PECAM1: variants seen among roughly 807,000 people sequenced by gnomAD.
PECAM1 encodes the protein platelet endothelial cell adhesion molecule.
PECAM1 carries 8 observed loss-of-function variants against 13.8 expected under a neutral mutation model. The observed-to-expected ratio is 0.58, with a 90% CI of 0.34 to 1.05. PECAM1 has a LOEUF of 1.05. Among genes scored for constraint, PECAM1 ranks in the 50% least tolerant of loss-of-function variants. The pLI, the probability that PECAM1 is intolerant of heterozygous loss-of-function variation, is 0.03. For synonymous variants in PECAM1, 136 were observed against 52.6 expected (o/e 2.58, Z -6.86); for missense variants, 304 against 141.2 (o/e 2.15, Z -5.84).
At chr17:64,375,950 G>A (rs1401085452) in intron 3 of PECAM1, among the ~76,000 whole-genome samples, 4 of 152,214 alleles carry the variant, frequency 2.6e-5, no homozygotes, top group Middle Eastern at 3.4e-3. Context: ...GGGAGGGAGC[G>A]AGGGATAAAA....
chr17:64,362,847 A>G (rs1017390755), intron 6 of PECAM1, among the ~76,000 whole-genome samples: 1 of 151,926 alleles, frequency 6.6e-6, no homozygotes, highest in Non-Finnish European at 1.5e-5. Flanking sequence ...CAAAAAAAAA[A>G]AAAAGAAAAG....
At chr17:64,363,892 C>T (rs1041635658) in intron 5 of PECAM1, among the ~76,000 whole-genome samples, 24 of 152,066 alleles carry the variant, frequency 1.6e-4, no homozygotes, top group Non-Finnish European at 2.6e-4. Flanking sequence ...TGCAGTGAGC[C>T]GAGATTGCTC....
intron 14 of PECAM1, among the ~76,000 whole-genome samples, chr17:64,335,255 T>C (rs1384291652): frequency 6.6e-6 from 1 of 151,972 alleles, no homozygotes; most frequent in East Asian, 1.9e-4. Context: ...CAGGCCACAG[T>C]AGAATATTAC....
intron 6 of PECAM1, among the ~76,000 whole-genome samples, chr17:64,361,353 C>A (rs1221995188): frequency 1.3e-5 from 2 of 151,918 alleles, no homozygotes; most frequent in African/African-American, 2.4e-5. Context: ...ACCATGTTGG[C>A]CAGGCTGGCC....
At chr17:64,333,557 C>A (rs894999829) in intron 14 of PECAM1, among the ~76,000 whole-genome samples, 2 of 151,988 alleles carry the variant, frequency 1.3e-5, no homozygotes, top group Non-Finnish European at 2.9e-5. Flanking sequence ...CTGTTCACCA[C>A]GCTATGACAA....
chr17:64,376,608 C>A (rs1463260071), intron 3 of PECAM1, among the ~76,000 whole-genome samples: 5 of 152,176 alleles, frequency 3.3e-5, no homozygotes, highest in African/African-American at 1.2e-4. Context: ...CAAACACCAT[C>A]TCTGTCTTTA....
intron 13 of PECAM1, among the ~76,000 whole-genome samples, chr17:64,347,865 G>A (rs2035618399): frequency 6.6e-6 from 1 of 151,060 alleles, no homozygotes; most frequent in African/African-American, 2.4e-5. Flanking sequence ...TGAGTAGCTG[G>A]GATTACAGGT....
chr17:64,341,746 A>T, intron 13 of PECAM1, 56 bp from the exon 14 acceptor site: 1 of 414,170 alleles, frequency 2.4e-6, no homozygotes, highest in Non-Finnish European at 4.4e-6. Context: ...AGGTCAGTCC[A>T]CTGCAGTCAT....
At position 64,329,681 on chromosome 17, in the gene PECAM1, A is replaced by G. The variant is rs782366846; in HGVS notation, c.2187+19T>C. On this transcript the variant is annotated intron_variant, in intron 15 of 15. Transcript: ENST00000563924. ...AGTGGAGTACTTTTAAATATAATGT[A>G]TATGAAATGTGTACTTACAGAGTAT... 7.9e-6 allele frequency: 6 copies of G among 757,524 alleles called. No individual in the cohort carries two copies. The highest frequency in any genetic ancestry group is 5.1e-5 in the African/African-American group (3 of 58,406). The allele number at this position is 757,524 out of a possible 1,614,324, so 46.9% of individuals were successfully genotyped here.
intron 14 of PECAM1, among the ~76,000 whole-genome samples, chr17:64,334,999 A>C (rs1251743889): frequency 6.6e-6 from 1 of 152,188 alleles, no homozygotes; most frequent in Non-Finnish European, 1.5e-5. Context: ...TGCTGCATCA[A>C]GAGTGGTTCT....
In PECAM1 at chr17:64,383,913, C is replaced by A. The variant is rs921942649; in HGVS notation, c.92-5796G>T. On this transcript the variant is annotated intron_variant, in intron 2 of 15. Coordinates refer to ENST00000563924, the MANE Select transcript of PECAM1 (RefSeq NM_000442.5). ...TTGGGAGGCCTAGGTCGGTGGATCACCTGAGGTCAAGAGTTCGAGACCCGC... is the reference window on the plus strand; with the variant it reads ...TTGGGAGGCCTAGGTCGGTGGATCAACTGAGGTCAAGAGTTCGAGACCCGC... 1.5e-4 allele frequency among the ~76,000 whole-genome samples: 23 copies of A among 152,130 alleles called. 1 individual carries two copies. Among genetic ancestry groups the A allele is most frequent in the African/African-American group, 5.6e-4 (23 of 41,418 alleles).
chr17:64,351,862 G>A (rs1483653958), intron 11 of PECAM1, among the ~76,000 whole-genome samples: 1 of 152,200 alleles, frequency 6.6e-6, no homozygotes, highest in African/African-American at 2.4e-5. Flanking sequence ...AGAACTCCTA[G>A]GACTGGCTAC....
At chr17:64,386,887 A>C (rs1187762390) in intron 2 of PECAM1, among the ~76,000 whole-genome samples, 1 of 152,162 alleles carries the variant, frequency 6.6e-6, no homozygotes, top group Admixed American at 6.5e-5. Flanking sequence ...AGCCTGTGTT[A>C]ACTGGAGGCT....
chr17:64,325,539 C>T (rs1451576315), intron 15 of PECAM1, among the ~76,000 whole-genome samples: 2 of 152,202 alleles, frequency 1.3e-5, no homozygotes, highest in African/African-American at 4.8e-5. Flanking sequence ...AGTTCCAGAA[C>T]AGCCTGGGCA....
chr17:64,369,116 G>A lies in PECAM1; in HGVS notation c.967+634C>T, dbSNP rs1206986512. On this transcript the variant is annotated intron_variant, in intron 5 of 15. Coordinates refer to ENST00000563924, the MANE Select transcript of PECAM1 (RefSeq NM_000442.5). Reference sequence around the variant, plus strand: ...TGCCCAGCTAATTTTCGTATTTTTAGTAGAGATGGGGTTTTATCATATTGG... The same window carrying A: ...TGCCCAGCTAATTTTCGTATTTTTAATAGAGATGGGGTTTTATCATATTGG... 3.3e-5 allele frequency among the ~76,000 whole-genome samples: 5 copies of A among 151,646 alleles called. No individual in the cohort carries two copies. In the East Asian group the frequency reaches 9.9e-4, roughly 30 times the overall value.
At chr17:64,349,736 T>C (rs1260930695) in intron 12 of PECAM1, among the ~76,000 whole-genome samples, 2 of 151,464 alleles carry the variant, frequency 1.3e-5, no homozygotes, top group African/African-American at 4.9e-5. Context: ...AATACAAAAA[T>C]TAGCCGGGCG....
intron 2 of PECAM1, among the ~76,000 whole-genome samples, chr17:64,383,094 C>T (rs1229820014): frequency 3.3e-5 from 5 of 152,204 alleles, no homozygotes; most frequent in South Asian, 4.1e-4. Flanking sequence ...TAATTTAAAG[C>T]GACTTCTCCA....
intron 14 of PECAM1, among the ~76,000 whole-genome samples, chr17:64,340,610 C>T (rs2035401840): frequency 6.6e-6 from 1 of 152,068 alleles, no homozygotes; most frequent in Non-Finnish European, 1.5e-5. Flanking sequence ...TTATTATACC[C>T]CCCCACCGAA....
chr17:64,358,268 A>C (rs2035892469), intron 7 of PECAM1, among the ~76,000 whole-genome samples: 1 of 151,724 alleles, frequency 6.6e-6, no homozygotes, highest in Non-Finnish European at 1.5e-5. Context: ...ACAGGCACCC[A>C]CCACCACGCT....
Sources: allele counts gnomAD v4.1 joint callset (sites outside exome capture counted in the v4.1 genomes callset), GRCh38; gene constraint gnomAD v4.1.1; transcripts MANE v1.5; gene names NCBI Gene and HGNC (gene_info 2026-07-23, HGNC 2026-07-21).